Variants in SPRED1 observed in about 807,000 individuals in gnomAD.
SPRED1 encodes the protein sprouty-related, EVH1 domain-containing protein 1.
A neutral mutation model predicts 52.3 loss-of-function variants in SPRED1; 18 were observed. The ratio of observed to expected loss-of-function variants is 0.34; its 90% confidence interval spans 0.24 to 0.51. SPRED1 has a LOEUF of 0.51. Ranked by LOEUF, SPRED1 falls within the 20% of genes least tolerant of loss-of-function variation. SPRED1 has a pLI of 0.97. For synonymous variants in SPRED1, 155 were observed against 179.7 expected, an observed-to-expected ratio of 0.86 and a Z score of 1.10; for missense variants, 485 against 551.0, an observed-to-expected ratio of 0.88 and a Z score of 1.20.
chr15:38,262,779 TGAACA>T (rs1887700519), intron 1 of SPRED1, among the ~76,000 whole-genome samples: 1 of 152,246 alleles, frequency 6.6e-6, no homozygotes, highest in Non-Finnish European at 1.5e-5. Flanking sequence ...AGATGAATTT[TGAACA>T]GAGTTCCCAT....
At chr15:38,275,895 A>G (rs146352489) in intron 1 of SPRED1, among the ~76,000 whole-genome samples, 84 of 152,320 alleles carry the variant, frequency 5.5e-4, no homozygotes, top group Admixed American at 1.1e-3. Flanking sequence ...GTTGGGATGT[A>G]AACTTGGACC....
intron 1 of SPRED1, among the ~76,000 whole-genome samples, chr15:38,263,870 G>A (rs937911526): frequency 5.3e-5 from 8 of 152,154 alleles, no homozygotes; most frequent in African/African-American, 1.7e-4. Context: ...ACAAATTTGG[G>A]TTGGGCTGCA....
At chr15:38,333,083 A>G (rs895390449) in intron 4 of SPRED1, among the ~76,000 whole-genome samples, 57 of 152,178 alleles carry the variant, frequency 3.7e-4, no homozygotes, top group African/African-American at 1.4e-3. Context: ...AGATTTCCAC[A>G]TATGAATTTT....
chr15:38,346,176 T>A (rs1046311539), intron 5 of SPRED1, among the ~76,000 whole-genome samples: 1 of 151,984 alleles, frequency 6.6e-6, no homozygotes, highest in African/African-American at 2.4e-5. Flanking sequence ...ATCTCATATA[T>A]CATGGTGGTA....
rs1023180143 is a variant in SPRED1, at chr15:38,329,351, G to A, written c.423+4542G>A. The stretch of plus-strand genomic sequence containing the variant: ...ATTTCTGAGCCAAAATGATTAGAAG[G>A]CTATGATTTATGTTTGTCTAATTTT... On this transcript the variant is annotated intron_variant, in intron 4 of 6. Coordinates refer to ENST00000299084, the MANE Select transcript of SPRED1 (RefSeq NM_152594.3). Among the ~76,000 whole-genome samples, 7 of 152,198 alleles carry A rather than the reference G, an allele frequency of 4.6e-5. No individual in the cohort carries two copies. In the South Asian group the frequency reaches 1.5e-3, roughly 32 times the overall value.
At chr15:38,278,238 T>A (rs766817658) in intron 1 of SPRED1, among the ~76,000 whole-genome samples, 4 of 152,192 alleles carry the variant, frequency 2.6e-5, no homozygotes, top group Non-Finnish European at 5.9e-5. Context: ...TCCCAGCACT[T>A]TGGGAGGTCC....
At chr15:38,296,651 T>C (rs1330362562) in intron 1 of SPRED1, among the ~76,000 whole-genome samples, 1 of 152,162 alleles carries the variant, frequency 6.6e-6, no homozygotes, top group African/African-American at 2.4e-5. Context: ...CATCAGCAAG[T>C]TTCCTCTTGG....
At chr15:38,295,957 G>C (rs1245225943) in intron 1 of SPRED1, among the ~76,000 whole-genome samples, 1 of 152,032 alleles carries the variant, frequency 6.6e-6, no homozygotes, top group Non-Finnish European at 1.5e-5. Context: ...GGGAACTTTT[G>C]GTTGTGACCA....
At position 38,282,102 on chromosome 15, in the gene SPRED1, T is replaced by C. The variant is rs535485999; in HGVS notation, c.33-17271T>C. Among the ~76,000 whole-genome samples the C allele has an allele frequency of 2.4e-3, 361 of 152,320 alleles. 3 individuals are homozygous for C. The highest frequency in any genetic ancestry group is 4.2e-3 in the Non-Finnish European group (286 of 68,024). On this transcript the variant is annotated intron_variant, in intron 1 of 6. Coordinates refer to ENST00000299084, the MANE Select transcript of SPRED1 (RefSeq NM_152594.3). ...CCAGCATCACTGAGTTCATATACTG[T>C]CCATAATACTCCATGCATGTTCCAT...
In SPRED1 at chr15:38,296,289, A is replaced by T. The variant is rs115770625; in HGVS notation, c.33-3084A>T. ...GGACACTTTGCGTTTCAGACAGTTA[A>T]AACTACTAGGGCTTGTAAAAATTTC... is the stretch of plus-strand genomic sequence containing the variant. On this transcript the variant is annotated intron_variant, in intron 1 of 6. Transcript: ENST00000299084. 8.3e-3 allele frequency among the ~76,000 whole-genome samples: 1,269 copies of T among 152,282 alleles called. 18 individuals carry two copies. The highest frequency in any genetic ancestry group is 0.029 in the African/African-American group (1,196 of 41,546).
chr15:38,282,017 C>T (rs922350582), intron 1 of SPRED1, among the ~76,000 whole-genome samples: 12 of 152,050 alleles, frequency 7.9e-5, no homozygotes, highest in African/African-American at 2.7e-4. Flanking sequence ...AGTGAAAAAG[C>T]TTTACTTGTT....
At chr15:38,263,068 C>G (rs1430594558) in intron 1 of SPRED1, among the ~76,000 whole-genome samples, 1 of 152,140 alleles carries the variant, frequency 6.6e-6, no homozygotes. Context: ...CAAAACAGAG[C>G]TGGGAATAGA....
At chr15:38,277,252 G>A (rs1894576964) in intron 1 of SPRED1, among the ~76,000 whole-genome samples, 1 of 152,032 alleles carries the variant, frequency 6.6e-6, no homozygotes, top group Admixed American at 6.6e-5. Flanking sequence ...TCAATAGGTG[G>A]TTTTTTTGAT....
At chr15:38,299,593 T>A (rs1417688438) in intron 2 of SPRED1, 46 bp downstream of exon 2, 1 of 1,565,322 alleles carries the variant, frequency 6.4e-7, no homozygotes, top group African/African-American at 1.4e-5. Context: ...TAATGAATTA[T>A]CTGTTTAAAG....
At chr15:38,299,855 C>CCTCTGGGA (rs1272380223) in intron 2 of SPRED1, among the ~76,000 whole-genome samples, 3 of 152,072 alleles carry the variant, frequency 2.0e-5, no homozygotes, top group Non-Finnish European at 4.4e-5. Flanking sequence ...TTCCCTAGAC[C>CCTCTGGGA]AGAGATTGGC....
intron 1 of SPRED1, 25 bp downstream of exon 1, chr15:38,253,242 G>A (rs769577739): frequency 1.1e-5 from 17 of 1,563,070 alleles, no homozygotes; most frequent in Non-Finnish European, 1.5e-5. Context: ...GATCTCGATT[G>A]CTAATCCCCC....
chr15:38,315,942 A>T (rs28681423), intron 2 of SPRED1, among the ~76,000 whole-genome samples: 2 of 152,018 alleles, frequency 1.3e-5, no homozygotes, highest in Non-Finnish European at 2.9e-5. Context: ...AGTCAGCTGG[A>T]TGGTGAGTGG....
chr15:38,255,820 C>T (rs1894083206), intron 1 of SPRED1, among the ~76,000 whole-genome samples: 1 of 151,992 alleles, frequency 6.6e-6, no homozygotes, highest in Non-Finnish European at 1.5e-5. Flanking sequence ...AGCCATTGCT[C>T]ATAGGGATTT....
intron 4 of SPRED1, among the ~76,000 whole-genome samples, chr15:38,331,295 G>A (rs1194357406): frequency 6.6e-6 from 1 of 152,052 alleles, no homozygotes; most frequent in East Asian, 1.9e-4. Flanking sequence ...TTAAGCTAGA[G>A]GTCATGCCAG....
Sources: gnomAD v4.1 joint callset for allele counts (sites outside exome capture counted in the v4.1 genomes callset) on GRCh38, gnomAD v4.1.1 for gene constraint, MANE v1.5 for transcripts, NCBI Gene and HGNC (gene_info 2026-07-23, HGNC 2026-07-21) for gene names.